Variants in HHAT observed in about 807,000 individuals in gnomAD.
HHAT encodes the protein protein-cysteine N-palmitoyltransferase HHAT.
Under a neutral mutation model 70.8 loss-of-function variants are expected in HHAT, and 47 were observed. That is an observed-to-expected ratio of 0.66 (90% CI 0.53 to 0.85). HHAT has a LOEUF of 0.85. HHAT is among the 40% of genes least tolerant of loss of function. The pLI is 0.00. For missense variants in HHAT, 609 were observed against 604.8 expected, an observed-to-expected ratio of 1.01 and a Z score of -0.07; for synonymous variants, 228 against 247.6, an observed-to-expected ratio of 0.92 and a Z score of 0.74.
chr1:210,428,969 A>G (rs1478242586), intron 7 of HHAT, among the ~76,000 whole-genome samples: 1 of 151,686 alleles, frequency 6.6e-6, no homozygotes, highest in African/African-American at 2.4e-5. Flanking sequence ...ACAGAGTGAG[A>G]CTCTGTCCCT....
chr1:210,344,033 A>G (rs2086277490), intron 1 of HHAT, among the ~76,000 whole-genome samples: 1 of 152,116 alleles, frequency 6.6e-6, no homozygotes, highest in Admixed American at 6.5e-5. Flanking sequence ...TAACCAATAA[A>G]TGACACAGCC....
chr1:210,535,974 A>G (rs1387786447), intron 9 of HHAT, among the ~76,000 whole-genome samples: 7 of 152,206 alleles, frequency 4.6e-5, no homozygotes, highest in East Asian at 3.9e-4. Flanking sequence ...AGCCAGCTCC[A>G]TAACTCTCAG....
intron 9 of HHAT, among the ~76,000 whole-genome samples, chr1:210,533,935 T>C (rs1245685477): frequency 6.6e-6 from 1 of 152,138 alleles, no homozygotes; most frequent in Non-Finnish European, 1.5e-5. Context: ...GGCGGCTTGG[T>C]GATGCAGAAT....
At chr1:210,651,440 T>G (rs948302310) in intron 11 of HHAT, among the ~76,000 whole-genome samples, 8 of 151,994 alleles carry the variant, frequency 5.3e-5, no homozygotes, top group Admixed American at 4.6e-4. Flanking sequence ...CCCCTAGGGT[T>G]GGGAAACACA....
chr1:210,346,406 T>A (rs2086531389), intron 1 of HHAT, among the ~76,000 whole-genome samples: 1 of 152,146 alleles, frequency 6.6e-6, no homozygotes, highest in African/African-American at 2.4e-5. Context: ...ACTACCAAAT[T>A]CCTGAAAAGT....
chr1:210,529,134 A>T (rs1407899396), intron 9 of HHAT, among the ~76,000 whole-genome samples: 2 of 151,960 alleles, frequency 1.3e-5, no homozygotes, highest in Non-Finnish European at 2.9e-5. Context: ...GTGAAACCCC[A>T]TTTCTACTGA....
At chr1:210,569,020 C>A (rs1278256621) in intron 9 of HHAT, among the ~76,000 whole-genome samples, 1 of 152,060 alleles carries the variant, frequency 6.6e-6, no homozygotes, top group Non-Finnish European at 1.5e-5. Context: ...TCATGTCACT[C>A]CAGAATTGCT....
At chr1:210,440,807 A>G (rs1347096115) in intron 7 of HHAT, among the ~76,000 whole-genome samples, 1 of 149,458 alleles carries the variant, frequency 6.7e-6, no homozygotes, top group African/African-American at 2.6e-5. Context: ...AGACAGCCAA[A>G]TCTAGGTTCC....
At chr1:210,446,128 G>A (rs1331129174) in intron 7 of HHAT, among the ~76,000 whole-genome samples, 2 of 152,130 alleles carry the variant, frequency 1.3e-5, no homozygotes, top group South Asian at 2.1e-4. Flanking sequence ...TTCTCTTGTC[G>A]GGTGGGCGAG....
At chr1:210,636,636 A>G (rs940479222) in intron 11 of HHAT, among the ~76,000 whole-genome samples, 16 of 152,196 alleles carry the variant, frequency 1.1e-4, no homozygotes, top group African/African-American at 3.4e-4. Flanking sequence ...TAAAATATTT[A>G]TCTGACAATT....
intron 8 of HHAT, among the ~76,000 whole-genome samples, chr1:210,475,269 A>G (rs977322414): frequency 6.6e-6 from 1 of 152,082 alleles, no homozygotes; most frequent in Admixed American, 6.5e-5. Context: ...GCTGTACCTT[A>G]TCCTGGTTTT....
chr1:210,486,261 G>A (rs532025411), intron 8 of HHAT, among the ~76,000 whole-genome samples: 3 of 152,152 alleles, frequency 2.0e-5, no homozygotes, highest in East Asian at 1.9e-4. Flanking sequence ...TAAAAACAAA[G>A]TATTCTCACA....
At chr1:210,332,689 T>G (rs1385018064) in intron 1 of HHAT, among the ~76,000 whole-genome samples, 3 of 152,238 alleles carry the variant, frequency 2.0e-5, no homozygotes, top group African/African-American at 7.2e-5. Context: ...TGCAGGGTGC[T>G]TGGTCTCCAT....
chr1:210,648,975 T>C (rs530607388), intron 11 of HHAT, among the ~76,000 whole-genome samples: 1 of 152,342 alleles, frequency 6.6e-6, no homozygotes, highest in African/African-American at 2.4e-5. Flanking sequence ...GAATAATGAT[T>C]CTATAATTTA....
At chr1:210,604,790 A>C (rs1665046482) in intron 10 of HHAT, among the ~76,000 whole-genome samples, 1 of 152,138 alleles carries the variant, frequency 6.6e-6, no homozygotes, top group Non-Finnish European at 1.5e-5. Flanking sequence ...CCAAGGTGGG[A>C]GAATCCTTTG....
chr1:210,532,756 G>T (rs536962931), intron 9 of HHAT, among the ~76,000 whole-genome samples: 2 of 149,770 alleles, frequency 1.3e-5, no homozygotes, highest in East Asian at 3.9e-4. Context: ...AGTTTTCTGT[G>T]GTCTTGTTGG....
intron 6 of HHAT, among the ~76,000 whole-genome samples, chr1:210,407,520 G>A (rs2148226223): frequency 6.6e-6 from 1 of 152,332 alleles, no homozygotes; most frequent in East Asian, 1.9e-4. Flanking sequence ...TGGAGAATGT[G>A]TCTTCCACCC....
intron 11 of HHAT, among the ~76,000 whole-genome samples, chr1:210,673,395 T>G (rs1004830771): frequency 6.6e-6 from 1 of 152,250 alleles, no homozygotes; most frequent in South Asian, 2.1e-4. Context: ...CGGTGATTTT[T>G]GTGTCTTGTC....
intron 11 of HHAT, among the ~76,000 whole-genome samples, chr1:210,662,122 T>C (rs1208434355): frequency 6.6e-6 from 1 of 152,240 alleles, no homozygotes; most frequent in African/African-American, 2.4e-5. Context: ...TTATCTTTGT[T>C]GTCACTGAGC....
Sources: allele counts gnomAD v4.1 joint callset (sites outside exome capture counted in the v4.1 genomes callset), GRCh38; gene constraint gnomAD v4.1.1; transcripts MANE v1.5; gene names NCBI Gene and HGNC (gene_info 2026-07-23, HGNC 2026-07-21).